Variants in BICRAL observed in about 807,000 individuals in gnomAD.
BICRAL encodes BICRA like chromatin remodeling complex associated protein.
BICRAL carries 8 observed loss-of-function variants against 91.8 expected under a neutral mutation model. The ratio of observed to expected loss-of-function variants is 0.09; its 90% CI spans 0.05 to 0.16. BICRAL has a LOEUF of 0.16. BICRAL is among the 10% of genes least tolerant of loss of function. The pLI, the probability that BICRAL is intolerant of heterozygous loss-of-function variation, is 1.00. For missense variants in BICRAL, 1,038 were observed against 1,310.9 expected (o/e 0.79, Z 3.21); for synonymous variants, 445 against 491.1 (o/e 0.91, Z 1.24).
chr6:42,865,393 G>A lies in BICRAL; in HGVS notation c.3187G>A (p.Val1063Ile). The A allele has an allele frequency of 1.2e-6, 2 of 1,613,626 alleles. No homozygotes were observed. Among genetic ancestry groups the A allele is most frequent in the Non-Finnish European group, 1.7e-6 (2 of 1,179,580 alleles). Residue 1063 changes from valine to isoleucine, a missense_variant, in exon 13 of 13, where the codon GTA (valine) becomes ATA (isoleucine). This residue lies in a region of BICRAL where 92 missense variants were observed against 147.8 expected (regional missense o/e 0.62). Transcript: ENST00000314073. ...CATCCCGGACCACAGTGAAGGTGTT[G>A]TAGAAACTGACTCCATTTTAGAAGC... ...KFIPDHSEGVVETDSILEAAV... is the reference protein window; with the variant it reads ...KFIPDHSEGVIETDSILEAAV...
intron 6 of BICRAL, among the ~76,000 whole-genome samples, chr6:42,830,583 C>T (rs1764445242): frequency 6.6e-6 from 1 of 151,598 alleles, no homozygotes; most frequent in Admixed American, 6.6e-5. Flanking sequence ...TTTTTTTACA[C>T]TTATGACTGG....
chr6:42,813,887 T>C (rs896554253), intron 2 of BICRAL, among the ~76,000 whole-genome samples: 1 of 151,954 alleles, frequency 6.6e-6, no homozygotes, highest in African/African-American at 2.4e-5. Context: ...ACAAAAAATA[T>C]TAAAGGATTC....
At chr6:42,827,230 T>C (rs1211853129) in intron 5 of BICRAL, among the ~76,000 whole-genome samples, 2 of 152,240 alleles carry the variant, frequency 1.3e-5, no homozygotes, top group Non-Finnish European at 2.9e-5. Context: ...TTTCTTCACC[T>C]ATAAAATGGA....
At chr6:42,815,044 G>A (rs2113925384) in intron 2 of BICRAL, among the ~76,000 whole-genome samples, 1 of 150,706 alleles carries the variant, frequency 6.6e-6, no homozygotes, top group East Asian at 2.0e-4. Context: ...ATAGTAGCTG[G>A]GATTACAGGC....
At chr6:42,788,137 G>A (rs551895266) in intron 1 of BICRAL, among the ~76,000 whole-genome samples, 2 of 151,282 alleles carry the variant, frequency 1.3e-5, no homozygotes, top group South Asian at 4.2e-4. Flanking sequence ...TAAACAATGG[G>A]AACTAGATAG....
At chr6:42,839,195 G>A (rs969170196) in intron 6 of BICRAL, among the ~76,000 whole-genome samples, 1 of 152,086 alleles carries the variant, frequency 6.6e-6, no homozygotes, top group Non-Finnish European at 1.5e-5. Flanking sequence ...GCAACAGAGT[G>A]AGACTCTGTC....
intron 1 of BICRAL, among the ~76,000 whole-genome samples, chr6:42,764,408 C>T (rs941970286): frequency 1.3e-5 from 2 of 151,294 alleles, no homozygotes; most frequent in African/African-American, 4.9e-5. Flanking sequence ...AAAAATTAGC[C>T]AGGTGTGGTG....
At chr6:42,801,198 C>T (rs1763559847) in intron 1 of BICRAL, among the ~76,000 whole-genome samples, 1 of 148,930 alleles carries the variant, frequency 6.7e-6, no homozygotes, top group Non-Finnish European at 1.5e-5. Flanking sequence ...CTGTGGTGAG[C>T]CGAGATCAAG....
chr6:42,837,095 C>T (rs1294900035), intron 6 of BICRAL, among the ~76,000 whole-genome samples: 7 of 151,914 alleles, frequency 4.6e-5, no homozygotes, highest in Admixed American at 3.3e-4. Context: ...CAGGCGTGTG[C>T]CACCATGCCT....
intron 10 of BICRAL, among the ~76,000 whole-genome samples, chr6:42,857,969 T>A (rs2114033613): frequency 6.6e-6 from 1 of 150,728 alleles, no homozygotes; most frequent in East Asian, 2.0e-4. Context: ...CCACCACGGC[T>A]GGCTAATTTT....
chr6:42,757,320 C>T (rs1242046545), intron 1 of BICRAL, among the ~76,000 whole-genome samples: 1 of 151,446 alleles, frequency 6.6e-6, no homozygotes, highest in Non-Finnish European at 1.5e-5. Context: ...GGAGCAATCT[C>T]AGCTCACTGC....
chr6:42,837,962 G>A lies in BICRAL; in HGVS notation c.1839+7790G>A, dbSNP rs4714630. On this transcript the variant is annotated intron_variant, in intron 6 of 12. Transcript: ENST00000314073. ...ATTGGAAGAGTACAGTGAATACATTGACGTGGTATCACCAGTCATTTCTGT... is the reference window on the plus strand; with the variant it reads ...ATTGGAAGAGTACAGTGAATACATTAACGTGGTATCACCAGTCATTTCTGT... Among the ~76,000 whole-genome samples the A allele has an allele frequency of 4.6e-5, 7 of 151,882 alleles. No individual in the cohort carries two copies. In the East Asian group the frequency reaches 1.4e-3, roughly 29 times the overall value.
intron 1 of BICRAL, among the ~76,000 whole-genome samples, chr6:42,764,422 C>T (rs750734288): frequency 3.3e-5 from 5 of 151,278 alleles, no homozygotes; most frequent in Non-Finnish European, 5.9e-5. Flanking sequence ...TGTGGTGGCA[C>T]GTGCCTGTAG....
chr6:42,775,254 A>G (rs971374233), intron 1 of BICRAL, among the ~76,000 whole-genome samples: 4 of 152,112 alleles, frequency 2.6e-5, no homozygotes, highest in Admixed American at 2.6e-4. Flanking sequence ...CCTTCTTCAG[A>G]TGTTTTACCT....
intron 6 of BICRAL, among the ~76,000 whole-genome samples, chr6:42,845,593 G>T (rs751467340): frequency 6.6e-6 from 1 of 152,106 alleles, no homozygotes; most frequent in Admixed American, 6.6e-5. Context: ...GCCTCTTCAC[G>T]ACAGCATGGC....
rs763472832 is a variant in BICRAL at position 42,828,497 on chromosome 6, C to T, written c.164C>T (p.Ala55Val). The change falls in exon 6 of 13, where the codon GCT becomes GTT. Residue 55 changes from alanine to valine, a missense_variant. Around this residue, in one of 5 missense-constraint regions of BICRAL, gnomAD observed 115 missense variants for 121.5 expected, o/e 0.95. Transcript: ENST00000314073. ...SNSIFANSSN[A>V]DPKSSLKGVS... ...ACATACTGTTTATTTTTTTAGAATG[C>T]TGATCCTAAGTCATCCCTCAAAGGT... 16 of 1,604,118 alleles carry T rather than the reference C, an allele frequency of 1.0e-5. No homozygotes were observed. Among genetic ancestry groups the T allele is most frequent in the Non-Finnish European group, 1.3e-5 (15 of 1,176,204 alleles).
intron 1 of BICRAL, among the ~76,000 whole-genome samples, chr6:42,770,878 A>G (rs1762709196): frequency 6.7e-6 from 1 of 149,774 alleles, no homozygotes; most frequent in Admixed American, 6.6e-5. Flanking sequence ...TTTAGTAGAG[A>G]CGGGGTTTCA....
intron 1 of BICRAL, among the ~76,000 whole-genome samples, chr6:42,784,325 A>G (rs1334650583): frequency 6.6e-6 from 1 of 152,150 alleles, no homozygotes; most frequent in African/African-American, 2.4e-5. Flanking sequence ...TAACTTTTAC[A>G]TTATTATTGA....
chr6:42,806,539 G>T (rs1373717418), intron 1 of BICRAL, among the ~76,000 whole-genome samples: 3 of 150,870 alleles, frequency 2.0e-5, no homozygotes, highest in South Asian at 2.1e-4. Context: ...TTGAGACGGG[G>T]TCTTACTCTT....
Sources: gnomAD v4.1 joint callset for allele counts (sites outside exome capture counted in the v4.1 genomes callset) on GRCh38, gnomAD v4.1.1 for gene constraint, gnomAD v4.1.1 regional missense constraint, MANE v1.5 for transcripts, NCBI Gene and HGNC (gene_info 2026-07-23, HGNC 2026-07-21) for gene names.